The following DCAF6 variants were observed in gnomAD, a reference collection of about 807,000 sequenced individuals.
DCAF6 encodes the protein DDB1- and CUL4-associated factor 6.
DCAF6 carries 54 observed loss-of-function variants against 125.1 expected under a neutral mutation model. The ratio of observed to expected loss-of-function variants is 0.43; its 90% CI spans 0.35 to 0.54. The LOEUF (loss-of-function observed/expected upper bound fraction) is 0.54, where lower values mean the gene tolerates loss of function less well. Ranked by LOEUF, DCAF6 falls within the 20% of genes least tolerant of loss-of-function variation. DCAF6 has a pLI of 0.01. For synonymous variants in DCAF6, 371 were observed against 390.4 expected (o/e 0.95, Z 0.58); for missense variants, 934 against 1,161.7 (o/e 0.80, Z 2.85).
chr1:167,924,624 C>G, the DCAF6 span: 6 of 964,968 alleles, frequency 6.2e-6, no homozygotes, highest in East Asian at 1.6e-4. Context: ...TTTTAAAAAC[C>G]AAAGGATTTA....
chr1:167,912,257 T>C, the DCAF6 span, among the ~76,000 whole-genome samples: 4 of 152,174 alleles, frequency 2.6e-5, no homozygotes, highest in Admixed American at 1.3e-4. Flanking sequence ...TTTTAAAGCA[T>C]CTCCAGAAAA....
chr1:168,007,417 A>G (rs979930834), intron 10 of DCAF6, among the ~76,000 whole-genome samples: 6 of 152,138 alleles, frequency 3.9e-5, no homozygotes, highest in African/African-American at 1.4e-4. Flanking sequence ...GAATCCTCAG[A>G]AGAGTTGTTG....
chr1:167,965,850 G>T (rs1676334812), intron 2 of DCAF6, among the ~76,000 whole-genome samples: 1 of 152,072 alleles, frequency 6.6e-6, no homozygotes, highest in African/African-American at 2.4e-5. Flanking sequence ...GGTCAGGCTG[G>T]TCTCGAACCT....
At position 167,975,031 on chromosome 1, in the gene DCAF6, G is replaced by T; in HGVS notation, c.438+16G>T. On this transcript the variant is annotated intron_variant, in intron 4 of 21. Transcript: ENST00000367840. Reference sequence around the variant, plus strand: ...TACTTATGAGGTATGGTATTATTATGATTATATGATATATATGTAAGTATG... The same window carrying T: ...TACTTATGAGGTATGGTATTATTATTATTATATGATATATATGTAAGTATG... 6.7e-7 allele frequency: 1 copy of T among 1,499,454 alleles called. No homozygotes were observed. Among genetic ancestry groups the T allele is most frequent in the Non-Finnish European group, 9.0e-7 (1 of 1,111,652 alleles). The allele number at this position is 1,499,454 out of a possible 1,614,324, so 92.9% of individuals were successfully genotyped here.
intron 16 of DCAF6, among the ~76,000 whole-genome samples, chr1:168,048,155 G>T (rs953006152): frequency 1.3e-5 from 2 of 152,132 alleles, no homozygotes; most frequent in African/African-American, 4.8e-5. Context: ...AAGCTCTGTT[G>T]TAACAATCAT....
chr1:168,041,979 C>T (rs908145008), intron 13 of DCAF6, among the ~76,000 whole-genome samples: 4 of 151,498 alleles, frequency 2.6e-5, no homozygotes, highest in African/African-American at 9.7e-5. Flanking sequence ...ACTGACATGA[C>T]ACTCAACACT....
At chr1:167,983,144 A>G (rs765679677) in intron 4 of DCAF6, among the ~76,000 whole-genome samples, 3 of 152,136 alleles carry the variant, frequency 2.0e-5, no homozygotes, top group African/African-American at 7.2e-5. Flanking sequence ...TTGGCTGTTC[A>G]GGCTCTTTTT....
At chr1:167,968,841 A>G (rs542912870) in intron 3 of DCAF6, among the ~76,000 whole-genome samples, 2 of 152,364 alleles carry the variant, frequency 1.3e-5, no homozygotes, top group South Asian at 4.1e-4. Context: ...GTTCCATTGC[A>G]TAATCTATAA....
Position 168,065,721 on chromosome 1 carries a change from C to T in DCAF6, c.2571C>T (p.Cys857=), listed in dbSNP as rs774993264. ...LLEADNHVVN[C]LQPHPFDPIL... is the part of the protein sequence containing the mutation. ...AAGCTGATAATCATGTGGTAAACTG[C>T]CTGCAGCCACATCCGTTTGACCCAA... The change falls in exon 19 of 22, where the codon TGC becomes TGT. Residue 857 remains cysteine, a synonymous_variant. Transcript: ENST00000367840. 3.3e-5 allele frequency: 53 copies of T among 1,612,088 alleles called. No homozygotes were observed. The highest frequency in any genetic ancestry group is 4.3e-5 in the Non-Finnish European group (51 of 1,178,930).
At chr1:167,980,159 G>A (rs1372335083) in intron 4 of DCAF6, among the ~76,000 whole-genome samples, 1 of 152,124 alleles carries the variant, frequency 6.6e-6, no homozygotes. Context: ...CCAGCCTGGC[G>A]ACAGAGTGAG....
In DCAF6 at chr1:168,006,340, C is replaced by T. The variant is rs564459235; in HGVS notation, c.1378+1547C>T. Among the ~76,000 whole-genome samples the T allele has an allele frequency of 4.6e-5, 7 of 152,118 alleles. No individual in the cohort carries two copies. In the East Asian group the frequency reaches 1.4e-3, roughly 29 times the overall value. On this transcript the variant is annotated intron_variant, in intron 10 of 21. Coordinates refer to ENST00000367840, the MANE Select transcript of DCAF6 (RefSeq NM_001198956.2). ...ATTGAAACATTATGCAGTACTTTTA[C>T]TCATAAATTATTTATAGGAAGTAAG...
chr1:168,026,713 T>G lies in DCAF6; in HGVS notation c.1609+3666T>G, dbSNP rs1361269811. The stretch of plus-strand genomic sequence containing the variant: ...TTGAGGGGAGAAGAAAGTATGTGAG[T>G]TTTTTTTTAATGTTAAGTTTGAAGT... On this transcript the variant is annotated intron_variant, in intron 12 of 21. Transcript: ENST00000367840. Among the ~76,000 whole-genome samples the G allele has an allele frequency of 3.4e-5, 5 of 148,568 alleles. No individual in the cohort carries two copies. In the East Asian group the frequency reaches 6.6e-4, roughly 20 times the overall value.
Position 168,055,353 on chromosome 1 carries a change from T to G in DCAF6, c.2300+4420T>G, listed in dbSNP as rs1313376663. ...TAAGTTTTTTTTTTTTTTTTTTTTT[T>G]TTTTTTTAACGAAGAAGTATTTTAT... On this transcript the variant is annotated intron_variant, in intron 17 of 21. Transcript: ENST00000367840. Among the ~76,000 whole-genome samples, 3 of 136,890 alleles carry G rather than the reference T, an allele frequency of 2.2e-5. 1 individual carries two copies. The East Asian group carries it at 5.9e-4, about 27-fold the overall frequency. 89.8% of individuals were successfully genotyped at this position (136,890 alleles called of 152,430 possible).
In DCAF6 at chr1:168,037,149, C is replaced by T. The variant is rs74725546; in HGVS notation, c.1610-1222C>T. On this transcript the variant is annotated intron_variant, in intron 12 of 21. Coordinates refer to ENST00000367840, the MANE Select transcript of DCAF6 (RefSeq NM_001198956.2). ...GATGAGGTCTCACCCAGACTCGACT[C>T]GAACTCCTGGGCTTAAGGGTTCCTC... 5.6e-5 allele frequency among the ~76,000 whole-genome samples: 8 copies of T among 143,686 alleles called. No individual in the cohort carries two copies. In the East Asian group the frequency reaches 6.3e-4, roughly 11 times the overall value. The allele number at this position is 143,686 out of a possible 152,430, so 94.3% of individuals were successfully genotyped here. A position where few individuals can be genotyped will look rare whatever the true frequency, so the allele number is the denominator to read the frequency against.
intron 11 of DCAF6, among the ~76,000 whole-genome samples, chr1:168,016,298 T>C (rs377541138): frequency 2.0e-5 from 3 of 152,226 alleles, no homozygotes; most frequent in African/African-American, 7.2e-5. Flanking sequence ...TATGCTGAAA[T>C]GAATCTATGC....
chr1:167,924,640 CT>C, the DCAF6 span: 2 of 789,652 alleles, frequency 2.5e-6, no homozygotes, highest in Non-Finnish European at 3.9e-6. Flanking sequence ...ATTTATCAAC[CT>C]ATTTTTAACC....
chr1:168,016,455 A>T (rs374181629), intron 11 of DCAF6, among the ~76,000 whole-genome samples: 3 of 151,970 alleles, frequency 2.0e-5, no homozygotes, highest in African/African-American at 7.2e-5. Context: ...TTATTTGAAA[A>T]TTTTCAATAT....
the DCAF6 span, among the ~76,000 whole-genome samples, chr1:167,902,828 C>T: frequency 6.6e-6 from 1 of 152,216 alleles, no homozygotes; most frequent in African/African-American, 2.4e-5. Context: ...CTAAAGTTTT[C>T]AGTTCACTCT....
At chr1:167,935,952 C>G (rs1671151174), upstream of DCAF6, 1 of 815,794 alleles carries the variant, frequency 1.2e-6, no homozygotes, top group African/African-American at 1.7e-5. Context: ...TCGCGTCCGC[C>G]TCTCGCCTGG....
Sources: allele counts gnomAD v4.1 joint callset (sites outside exome capture counted in the v4.1 genomes callset), GRCh38; gene constraint gnomAD v4.1.1; transcripts MANE v1.5; gene names NCBI Gene and HGNC (gene_info 2026-07-23, HGNC 2026-07-21).